Variants in ST8SIA5 observed in about 807,000 individuals in gnomAD.
ST8SIA5 encodes alpha-2,8-sialyltransferase 8E.
Under a neutral mutation model 40.2 loss-of-function variants are expected in ST8SIA5, and 24 were observed. That is an observed-to-expected ratio of 0.60 (90% CI 0.43 to 0.84). The LOEUF is 0.84. Among genes scored for constraint, ST8SIA5 ranks in the 40% least tolerant of loss-of-function variants. The pLI is 0.00. For synonymous variants in ST8SIA5, 198 were observed against 201.8 expected (o/e 0.98, Z 0.16); for missense variants, 465 against 498.5 (o/e 0.93, Z 0.64).
chr18:46,704,711 T>C (rs1369011970), intron 1 of ST8SIA5, 47 bp from the exon 2 acceptor site: 2 of 1,509,408 alleles, frequency 1.3e-6, no homozygotes. Context: ...GGTCAGGATG[T>C]CCAGGGCCTG....
At chr18:46,755,296 G>C (rs975131943) in intron 1 of ST8SIA5, among the ~76,000 whole-genome samples, 1 of 152,224 alleles carries the variant, frequency 6.6e-6, no homozygotes, top group East Asian at 1.9e-4. Context: ...CAAAGGATGA[G>C]AAGAGGGCTG....
At position 46,671,848 on chromosome 18, in the gene ST8SIA5, A is replaced by G. The variant is rs1331572910; in HGVS notation, c.*8194T>C. On this transcript the variant is annotated 3_prime_UTR_variant, in exon 7 of 7. Transcript: ENST00000315087. ...GGAAGGAAGGGTCCACCAACCCCCA[A>G]CCAGGAAAAAGAACAGGGCAGCAGA... The G allele has an allele frequency of 6.6e-6, 1 of 152,340 alleles. No homozygotes were observed. The highest frequency in any genetic ancestry group is 1.5e-5 in the Non-Finnish European group (1 of 68,120). The allele number at this position is 152,340 out of a possible 1,614,324, so 9.4% of individuals were successfully genotyped here.
intron 2 of ST8SIA5, among the ~76,000 whole-genome samples, chr18:46,695,194 G>C (rs1040406759): frequency 7.9e-5 from 12 of 152,042 alleles, no homozygotes; most frequent in East Asian, 3.9e-4. Context: ...TTAAAAAAAG[G>C]GTTCATTTTG....
intron 2 of ST8SIA5, among the ~76,000 whole-genome samples, chr18:46,697,691 G>A (rs1404755787): frequency 6.6e-6 from 1 of 152,090 alleles, no homozygotes; most frequent in Non-Finnish European, 1.5e-5. Flanking sequence ...GGTTGACAGA[G>A]CAAGACCTTG....
At chr18:46,682,129 A>AG (rs2039403422) in intron 5 of ST8SIA5, 65 bp from the exon 6 acceptor site, 5 of 733,050 alleles carry the variant, frequency 6.8e-6, no homozygotes, top group Non-Finnish European at 1.1e-5. Flanking sequence ...GGGAGGGTGC[A>AG]GGGGGAGGGG....
intron 3 of ST8SIA5, among the ~76,000 whole-genome samples, chr18:46,690,613 C>CTTTTT (rs34766517): frequency 1.8e-4 from 21 of 116,964 alleles, no homozygotes; most frequent in South Asian, 5.7e-4. Context: ...GCTGCTGAGA[C>CTTTTT]TTTTTTTTTT....
intron 3 of ST8SIA5, 74 bp from the exon 4 acceptor site, chr18:46,688,993 G>A (rs1371184245): frequency 1.8e-5 from 27 of 1,519,254 alleles, no homozygotes; most frequent in Non-Finnish European, 2.1e-5. Context: ...ACAACCTCAC[G>A]GAGAACAGAG....
chr18:46,697,262 A>G (rs2039566029), intron 2 of ST8SIA5, among the ~76,000 whole-genome samples: 1 of 152,206 alleles, frequency 6.6e-6, no homozygotes, highest in East Asian at 1.9e-4. Context: ...ATATGGATAG[A>G]TAGCCAAGGG....
intron 1 of ST8SIA5, among the ~76,000 whole-genome samples, chr18:46,709,240 G>T (rs1422380384): frequency 6.6e-6 from 1 of 152,180 alleles, no homozygotes. Flanking sequence ...TCAATGATGG[G>T]ATTAGGCCCT....
chr18:46,696,264 G>A (rs2039556334), intron 2 of ST8SIA5, among the ~76,000 whole-genome samples: 1 of 152,178 alleles, frequency 6.6e-6, no homozygotes, highest in Non-Finnish European at 1.5e-5. Flanking sequence ...CACAGGGTAT[G>A]AGGGAGAGGT....
At position 46,669,374 on chromosome 18, in the gene ST8SIA5, G is replaced by A. The variant is rs1179682000; in HGVS notation, c.*10668C>T. 6.6e-6 allele frequency: 1 copy of A among 152,218 alleles called. No individual in the cohort carries two copies. Among genetic ancestry groups the A allele is most frequent in the Non-Finnish European group, 1.5e-5 (1 of 68,064 alleles). The allele number at this position is 152,218 out of a possible 1,614,324, so 9.4% of individuals were successfully genotyped here. A position where few individuals can be genotyped will look rare whatever the true frequency, so the allele number is the denominator to read the frequency against. On this transcript the variant is annotated 3_prime_UTR_variant, in exon 7 of 7. Transcript: ENST00000315087. The stretch of plus-strand genomic sequence containing the variant: ...TGGGCACACCACGCTATCTTTCTGG[G>A]CCTCGGCAAGGAGGGTTGCTACTCT...
intron 1 of ST8SIA5, among the ~76,000 whole-genome samples, chr18:46,713,465 G>C (rs2039754001): frequency 6.6e-6 from 1 of 152,180 alleles, no homozygotes; most frequent in Non-Finnish European, 1.5e-5. Context: ...CCAGTGGTCA[G>C]GGCTGGGGAT....
intron 1 of ST8SIA5, among the ~76,000 whole-genome samples, chr18:46,726,946 C>A (rs891880528): frequency 3.3e-5 from 5 of 152,118 alleles, no homozygotes; most frequent in Non-Finnish European, 5.9e-5. Flanking sequence ...CAACAAAAAA[C>A]AAGTGCTTAA....
rs1372385764 is a variant in ST8SIA5, at chr18:46,673,340, G to T, written c.*6702C>A. On this transcript the variant is annotated 3_prime_UTR_variant, in exon 7 of 7. Transcript: ENST00000315087. The stretch of plus-strand genomic sequence containing the variant: ...GACTTTTGTTGCTAGGTACATAGTG[G>T]GTTATATATTATATTTGTATGTACA... 6.6e-6 allele frequency: 1 copy of T among 152,114 alleles called. No homozygotes were observed. The highest frequency in any genetic ancestry group is 1.5e-5 in the Non-Finnish European group (1 of 68,026). The allele number at this position is 152,114 out of a possible 1,614,324, so 9.4% of individuals were successfully genotyped here. A position where few individuals can be genotyped will look rare whatever the true frequency, so the allele number is the denominator to read the frequency against.
chr18:46,686,050 GAGGGTCTGC>G (rs1477841326), intron 5 of ST8SIA5, 115 bp downstream of exon 5: 4 of 874,114 alleles, frequency 4.6e-6, no homozygotes, highest in East Asian at 2.6e-5. Context: ...TCCCAGACCT[GAGGGTCTGC>G]AGGGGTGGGA....
At chr18:46,707,419 T>C (rs1394451348) in intron 1 of ST8SIA5, among the ~76,000 whole-genome samples, 1 of 152,166 alleles carries the variant, frequency 6.6e-6, no homozygotes, top group Non-Finnish European at 1.5e-5. Context: ...TGAACTAGGG[T>C]AGTACCTCCT....
chr18:46,690,757 G>A lies in ST8SIA5; in HGVS notation c.311+1412C>T, dbSNP rs530562837. Among the ~76,000 whole-genome samples the A allele has an allele frequency of 2.6e-5, 4 of 152,054 alleles. No homozygotes were observed. The South Asian group carries it at 8.3e-4, about 32-fold the overall frequency. On this transcript the variant is annotated intron_variant, in intron 3 of 6. Coordinates refer to ENST00000315087, the MANE Select transcript of ST8SIA5 (RefSeq NM_013305.6). ...GCCTCCCAAGTAGCTAGGATTACAG[G>A]TGTGCACCACCACACCTGGCTAATT... is the stretch of plus-strand genomic sequence containing the variant.
At chr18:46,725,179 G>T (rs1458400464) in intron 1 of ST8SIA5, among the ~76,000 whole-genome samples, 2 of 152,056 alleles carry the variant, frequency 1.3e-5, no homozygotes, top group Non-Finnish European at 2.9e-5. Context: ...TTAAACCGAG[G>T]GCTAACTCTA....
intron 1 of ST8SIA5, among the ~76,000 whole-genome samples, chr18:46,719,863 G>C (rs1339488763): frequency 7.4e-6 from 1 of 134,340 alleles, no homozygotes; most frequent in South Asian, 2.3e-4. Context: ...TTTTTTGACA[G>C]GGTTTCACTC....
Sources: gnomAD v4.1 joint callset for allele counts (sites outside exome capture counted in the v4.1 genomes callset) on GRCh38, gnomAD v4.1.1 for gene constraint, MANE v1.5 for transcripts, NCBI Gene and HGNC (gene_info 2026-07-23, HGNC 2026-07-21) for gene names.